Variants in SGMS1 observed in about 807,000 individuals in gnomAD.
The protein encoded by SGMS1 is sphingomyelin synthase 1.
Under a neutral mutation model 46.2 loss-of-function variants are expected in SGMS1, and 13 were observed. That is an observed-to-expected ratio of 0.28 (90% CI 0.18 to 0.45). SGMS1 has a LOEUF of 0.45. Among genes scored for constraint, SGMS1 ranks in the 20% least tolerant of loss-of-function variants. The pLI is 1.00. For synonymous variants in SGMS1, 203 were observed against 187.8 expected, an observed-to-expected ratio of 1.08 and a Z score of -0.66; for missense variants, 324 against 519.9, an observed-to-expected ratio of 0.62 and a Z score of 3.66.
chr10:50,309,093 T>G (rs72801723), intron 9 of SGMS1, among the ~76,000 whole-genome samples: 3 of 152,284 alleles, frequency 2.0e-5, no homozygotes, highest in Non-Finnish European at 4.4e-5. Flanking sequence ...AATAAATAAT[T>G]TACACATTAT....
chr10:50,624,513 G>T, upstream of SGMS1: 3 of 867,274 alleles, frequency 3.5e-6, no homozygotes, highest in Non-Finnish European at 2.8e-6. Context: ...AGCCTCTGGC[G>T]ACGCCTGGGA....
intron 1 of SGMS1, among the ~76,000 whole-genome samples, chr10:50,614,402 A>G (rs1838778299): frequency 6.6e-6 from 1 of 152,176 alleles, no homozygotes; most frequent in African/African-American, 2.4e-5. Context: ...GGCACTTCCA[A>G]TGTCTAAATC....
intron 6 of SGMS1, among the ~76,000 whole-genome samples, chr10:50,348,304 C>T (rs923372626): frequency 6.6e-6 from 1 of 151,974 alleles, no homozygotes; most frequent in Non-Finnish European, 1.5e-5. Context: ...TATTGGAGTC[C>T]TATAGGAAAA....
At chr10:50,343,158 C>G (rs1013291961) in intron 7 of SGMS1, 8 of 184,474 alleles carry the variant, frequency 4.3e-5, no homozygotes, top group Admixed American at 3.8e-4. Context: ...TTAGTAACAC[C>G]AACCAAGACT....
At chr10:50,579,755 T>C (rs1033873906) in intron 2 of SGMS1, among the ~76,000 whole-genome samples, 18 of 152,074 alleles carry the variant, frequency 1.2e-4, no homozygotes, top group African/African-American at 3.9e-4. Context: ...TCCTCCCAAA[T>C]ACGGGAGTAA....
rs868288357 is a variant in SGMS1 at position 50,308,036 on chromosome 10, T to G, written c.1008A>C (p.Ala336=). Residue 336 remains alanine, a synonymous_variant, in exon 10 of 11, where the codon GCA becomes GCC. Transcript: ENST00000361781. ...HDHYTVDVVV[A]YYITTRLFWW... is the part of the protein sequence containing the mutation. ...AGAAGAGTCTCGTGGTGATGTAATATGCCACCACCACGTCCACAGTGTAGT... is the reference window on the plus strand; with the variant it reads ...AGAAGAGTCTCGTGGTGATGTAATAGGCCACCACCACGTCCACAGTGTAGT... 1.2e-6 allele frequency: 2 copies of G among 1,614,060 alleles called. No individual in the cohort carries two copies. Among genetic ancestry groups the G allele is most frequent in the African/African-American group, 1.3e-5 (1 of 75,020 alleles).
intron 8 of SGMS1, among the ~76,000 whole-genome samples, chr10:50,316,149 TGA>T (rs1847334652): frequency 6.6e-6 from 1 of 152,228 alleles, no homozygotes; most frequent in Non-Finnish European, 1.5e-5. Context: ...GCAGGGGCAC[TGA>T]CTGTACTTCA....
intron 6 of SGMS1, among the ~76,000 whole-genome samples, chr10:50,391,983 A>T (rs1848775708): frequency 6.6e-6 from 1 of 152,130 alleles, no homozygotes; most frequent in Non-Finnish European, 1.5e-5. Flanking sequence ...CTAAACACTG[A>T]GTACACACGG....
intron 5 of SGMS1, among the ~76,000 whole-genome samples, chr10:50,448,184 G>A (rs547618836): frequency 4.1e-4 from 62 of 152,234 alleles, no homozygotes; most frequent in Non-Finnish European, 8.1e-4. Flanking sequence ...AGAGGTGGAT[G>A]GAGGCTGTAG....
intron 2 of SGMS1, among the ~76,000 whole-genome samples, chr10:50,586,599 GT>G (rs1838486647): frequency 6.6e-6 from 1 of 152,252 alleles, no homozygotes; most frequent in African/African-American, 2.4e-5. Flanking sequence ...TGTAGAGAAA[GT>G]AATAATGGCA....
chr10:50,348,853 A>G (rs1424111411), intron 6 of SGMS1, among the ~76,000 whole-genome samples: 1 of 152,242 alleles, frequency 6.6e-6, no homozygotes, highest in Non-Finnish European at 1.5e-5. Flanking sequence ...GAGCCTGTAA[A>G]GCCAAGACAA....
chr10:50,323,913 AAACT>A (rs1292346527), intron 8 of SGMS1, among the ~76,000 whole-genome samples: 7 of 152,314 alleles, frequency 4.6e-5, no homozygotes, highest in Admixed American at 2.0e-4. Context: ...TTACAAATTT[AAACT>A]AACAGATTTT....
At position 50,346,787 on chromosome 10, in the gene SGMS1, A is replaced by G. The variant is rs536763344; in HGVS notation, c.-231-2442T>C. Among the ~76,000 whole-genome samples, 19 of 152,106 alleles carry G rather than the reference A, an allele frequency of 1.2e-4. 1 individual carries two copies. The highest frequency in any genetic ancestry group is 1.2e-3 in the South Asian group (6 of 4,818). Reference sequence around the variant, plus strand: ...GCAATCATGGCTCACTGCAATCTCTATCTCCTGGGTGCAAGTGATTCTCCC... The same window carrying G: ...GCAATCATGGCTCACTGCAATCTCTGTCTCCTGGGTGCAAGTGATTCTCCC... On this transcript the variant is annotated intron_variant, in intron 6 of 10. Coordinates refer to ENST00000361781, the MANE Select transcript of SGMS1 (RefSeq NM_147156.4).
intron 3 of SGMS1, among the ~76,000 whole-genome samples, chr10:50,484,323 T>C (rs1478913410): frequency 2.0e-5 from 3 of 152,086 alleles, no homozygotes; most frequent in Non-Finnish European, 4.4e-5. Context: ...CCTGGACATA[T>C]ACACCCTCCC....
intron 6 of SGMS1, among the ~76,000 whole-genome samples, chr10:50,383,018 A>G (rs755148660): frequency 6.6e-6 from 1 of 152,222 alleles, no homozygotes; most frequent in Non-Finnish European, 1.5e-5. Flanking sequence ...TAAACTCTAC[A>G]ATAGAGTCTT....
intron 6 of SGMS1, among the ~76,000 whole-genome samples, chr10:50,360,941 C>T (rs1208603660): frequency 3.3e-5 from 5 of 152,174 alleles, no homozygotes; most frequent in African/African-American, 4.8e-5. Flanking sequence ...AGGGTGAGGC[C>T]GTGCTTTACT....
At chr10:50,410,017 T>A (rs1477455520) in intron 6 of SGMS1, among the ~76,000 whole-genome samples, 1 of 152,194 alleles carries the variant, frequency 6.6e-6, no homozygotes, top group Non-Finnish European at 1.5e-5. Context: ...AGTTGTTTAG[T>A]AATCTGTGCA....
intron 2 of SGMS1, among the ~76,000 whole-genome samples, chr10:50,532,206 G>A (rs1837960598): frequency 6.7e-6 from 1 of 148,298 alleles, no homozygotes; most frequent in Non-Finnish European, 1.5e-5. Context: ...ATGTCTCCAC[G>A]GTCCCAGTCT....
intron 6 of SGMS1, among the ~76,000 whole-genome samples, chr10:50,376,605 C>G (rs903233522): frequency 1.3e-5 from 2 of 152,194 alleles, no homozygotes; most frequent in African/African-American, 2.4e-5. Flanking sequence ...ACGATAGGCC[C>G]CAGTGTGTGA....
Sources: gnomAD v4.1 joint callset for allele counts (sites outside exome capture counted in the v4.1 genomes callset) on GRCh38, gnomAD v4.1.1 for gene constraint, MANE v1.5 for transcripts, NCBI Gene and HGNC (gene_info 2026-07-23, HGNC 2026-07-21) for gene names.